Variants in RGS7 observed in about 807,000 individuals in gnomAD.
RGS7 encodes the protein regulator of G protein signaling 7, also known as regulator of G-protein signaling 7.
RGS7 carries 27 observed loss-of-function variants against 81.1 expected under a neutral mutation model. That is an observed-to-expected ratio of 0.33 (90% CI 0.25 to 0.46). The LOEUF (loss-of-function observed/expected upper bound fraction) is 0.46, where lower values mean the gene tolerates loss of function less well. Among genes scored for constraint, RGS7 ranks in the 20% least tolerant of loss-of-function variants. The pLI is 1.00. For synonymous variants in RGS7, 208 were observed against 207.7 expected, an observed-to-expected ratio of 1.00 and a Z score of -0.01; for missense variants, 396 against 607.4, an observed-to-expected ratio of 0.65 and a Z score of 3.66.
chr1:241,219,894 A>C (rs2074794834), intron 2 of RGS7, among the ~76,000 whole-genome samples: 1 of 152,206 alleles, frequency 6.6e-6, no homozygotes. Flanking sequence ...AGTTGGAAGG[A>C]TCATGCCAAT....
intron 3 of RGS7, among the ~76,000 whole-genome samples, chr1:241,069,222 T>A (rs183312699): frequency 6.6e-6 from 1 of 152,374 alleles, no homozygotes; most frequent in East Asian, 1.9e-4. Context: ...CTTTAAGTTA[T>A]CAGAGATATA....
At chr1:241,064,704 G>A (rs1208830388) in intron 3 of RGS7, among the ~76,000 whole-genome samples, 7 of 151,586 alleles carry the variant, frequency 4.6e-5, no homozygotes, top group African/African-American at 7.3e-5. Context: ...CAGACCAGTC[G>A]GGCAACATAA....
chr1:240,959,012 G>A (rs534632774), intron 4 of RGS7, among the ~76,000 whole-genome samples: 1 of 152,348 alleles, frequency 6.6e-6, no homozygotes, highest in Non-Finnish European at 1.5e-5. Flanking sequence ...CCTGGTATAA[G>A]CAGAACGTAT....
intron 2 of RGS7, among the ~76,000 whole-genome samples, chr1:241,223,731 A>G (rs1246746980): frequency 6.6e-6 from 1 of 152,034 alleles, no homozygotes; most frequent in Non-Finnish European, 1.5e-5. Context: ...AAAGAAAGAA[A>G]ATTCTGTTTG....
chr1:240,958,852 T>TATCC (rs1680877544), intron 4 of RGS7, among the ~76,000 whole-genome samples: 1 of 152,334 alleles, frequency 6.6e-6, no homozygotes, highest in African/African-American at 2.4e-5. Context: ...TAGAGCAATC[T>TATCC]ATCCCTCCAA....
chr1:241,327,244 C>T (rs1233478854), intron 2 of RGS7, among the ~76,000 whole-genome samples: 1 of 151,990 alleles, frequency 6.6e-6, no homozygotes, highest in African/African-American at 2.4e-5. Flanking sequence ...CCCTTATACT[C>T]TGTTAGAGGC....
At chr1:240,989,087 T>G (rs543663496) in intron 3 of RGS7, among the ~76,000 whole-genome samples, 38 of 152,246 alleles carry the variant, frequency 2.5e-4, no homozygotes, top group Middle Eastern at 3.4e-3. Flanking sequence ...CTGCTGCTTC[T>G]TTATCAATGC....
intron 2 of RGS7, among the ~76,000 whole-genome samples, chr1:241,156,169 G>GATAGATAGATACAT (rs1475820224): frequency 3.5e-5 from 5 of 142,752 alleles, no homozygotes; most frequent in African/African-American, 1.3e-4. Flanking sequence ...TAGATAGATA[G>GATAGATAGATACAT]ATACATATAC....
intron 6 of RGS7, among the ~76,000 whole-genome samples, chr1:240,927,036 A>G (rs761176219): frequency 6.6e-6 from 1 of 152,052 alleles, no homozygotes; most frequent in Non-Finnish European, 1.5e-5. Context: ...GATACTAACA[A>G]AATGAAATAA....
chr1:241,217,706 G>A (rs1573182922), intron 2 of RGS7, among the ~76,000 whole-genome samples: 1 of 152,272 alleles, frequency 6.6e-6, no homozygotes, highest in East Asian at 1.9e-4. Flanking sequence ...CAATCACACG[G>A]TTGGCACCAA....
intron 4 of RGS7, among the ~76,000 whole-genome samples, chr1:240,968,188 C>G (rs1391271851): frequency 6.6e-6 from 1 of 152,152 alleles, no homozygotes; most frequent in Non-Finnish European, 1.5e-5. Context: ...CATGGATGAA[C>G]CCCAGCAGAG....
intron 9 of RGS7, among the ~76,000 whole-genome samples, chr1:240,866,943 A>G (rs1572493052): frequency 6.6e-6 from 1 of 152,318 alleles, no homozygotes; most frequent in Admixed American, 6.5e-5. Flanking sequence ...GAGCCACCAG[A>G]TGTCCAGGGG....
chr1:240,933,099 G>A (rs528944901), intron 5 of RGS7, among the ~76,000 whole-genome samples: 31 of 150,136 alleles, frequency 2.1e-4, no homozygotes, highest in South Asian at 1.5e-3. Context: ...AGCCAGGATG[G>A]TCTCCATCTC....
intron 2 of RGS7, among the ~76,000 whole-genome samples, chr1:241,234,417 C>T (rs1052078340): frequency 2.6e-5 from 4 of 152,316 alleles, no homozygotes; most frequent in Middle Eastern, 3.4e-3. Context: ...AGAAGCTCAT[C>T]GGGCAGCTCC....
At chr1:241,347,369 G>A (rs954482906) in intron 2 of RGS7, among the ~76,000 whole-genome samples, 5 of 152,222 alleles carry the variant, frequency 3.3e-5, no homozygotes, top group South Asian at 2.1e-4. Flanking sequence ...CTTCTGACTC[G>A]CGGTCCTTTG....
intron 9 of RGS7, among the ~76,000 whole-genome samples, chr1:240,863,341 G>T (rs1662598913): frequency 6.6e-6 from 1 of 152,124 alleles, no homozygotes; most frequent in Non-Finnish European, 1.5e-5. Context: ...TGGGCGTGGT[G>T]GCATGCGCCT....
At chr1:241,147,780 TTATATATATATATATATA>T (rs200770896) in intron 2 of RGS7, among the ~76,000 whole-genome samples, 1,792 of 44,674 alleles carry the variant, frequency 0.04, 141 homozygotes, top group African/African-American at 0.11. Flanking sequence ...AGATTAAGTT[TTATATATATATATATATA>T]TATATATATA....
At chr1:241,095,826 T>C (rs2064207035) in intron 3 of RGS7, among the ~76,000 whole-genome samples, 1 of 152,220 alleles carries the variant, frequency 6.6e-6, no homozygotes, top group Non-Finnish European at 1.5e-5. Context: ...AACATATTAT[T>C]GTTAACTATA....
At chr1:241,221,442 G>C (rs1185604798) in intron 2 of RGS7, among the ~76,000 whole-genome samples, 1 of 152,192 alleles carries the variant, frequency 6.6e-6, no homozygotes, top group Non-Finnish European at 1.5e-5. Flanking sequence ...TGGATATAGT[G>C]ACGTGACTGA....
Sources: gnomAD v4.1 joint callset for allele counts (sites outside exome capture counted in the v4.1 genomes callset) on GRCh38, gnomAD v4.1.1 for gene constraint, MANE v1.5 for transcripts, NCBI Gene and HGNC (gene_info 2026-07-23, HGNC 2026-07-21) for gene names.